Variants in HCFC2 observed in about 807,000 individuals in gnomAD.
HCFC2 encodes the protein host cell factor 2.
HCFC2 carries 18 observed loss-of-function variants against 89.2 expected under a neutral mutation model. That is an observed-to-expected ratio of 0.20 (90% CI 0.14 to 0.30). The LOEUF is 0.30. Among genes scored for constraint, HCFC2 ranks in the 10% least tolerant of loss-of-function variants. The probability of loss-of-function intolerance (pLI) is 1.00; values close to 1 mark genes in which losing one functional copy is unlikely to be tolerated. For synonymous variants in HCFC2, 308 were observed against 335.7 expected, an observed-to-expected ratio of 0.92 and a Z score of 0.90; for missense variants, 578 against 956.1, an observed-to-expected ratio of 0.60 and a Z score of 5.21.
At chr12:104,069,643 AT>A (rs1341130137) in intron 3 of HCFC2, among the ~76,000 whole-genome samples, 1 of 150,108 alleles carries the variant, frequency 6.7e-6, no homozygotes, top group Non-Finnish European at 1.5e-5. Context: ...ATGGTAGTAT[AT>A]TTTTTTCTTT....
At chr12:104,081,237 G>A (rs541748376) in intron 5 of HCFC2, among the ~76,000 whole-genome samples, 1 of 152,170 alleles carries the variant, frequency 6.6e-6, no homozygotes, top group Admixed American at 6.5e-5. Flanking sequence ...TGACCAGATT[G>A]CCTAAATTCA....
At chr12:104,097,556 A>C (rs1466293488) in intron 12 of HCFC2, 1 of 465,858 alleles carries the variant, frequency 2.1e-6, no homozygotes, top group African/African-American at 2.1e-5. Context: ...GTGATAGCCT[A>C]AATATTAAAA....
chr12:104,068,176 C>A lies in HCFC2; in HGVS notation c.473+69C>A. 1 of 1,351,734 alleles carries A rather than the reference C, an allele frequency of 7.4e-7. No homozygotes were observed. The highest frequency in any genetic ancestry group is 2.7e-5 in the Admixed American group (1 of 37,070). 83.7% of individuals were successfully genotyped at this position (1,351,734 alleles called of 1,614,324 possible). Reference sequence around the variant, plus strand: ...AGTAGGAACATTTTATTTTTTCCATCTTTAATTTTTAAAAGGGATGATGCT... The same window carrying A: ...AGTAGGAACATTTTATTTTTTCCATATTTAATTTTTAAAAGGGATGATGCT... On this transcript the variant is annotated intron_variant, in intron 3 of 14. Coordinates refer to ENST00000229330, the MANE Select transcript of HCFC2 (RefSeq NM_013320.3). This position sits in a 1 kb window ranked among gnomAD's most constrained non-coding sequence, Gnocchi z 4.1.
intron 3 of HCFC2, among the ~76,000 whole-genome samples, chr12:104,071,187 A>G (rs1883316253): frequency 6.6e-6 from 1 of 152,258 alleles, no homozygotes; most frequent in Non-Finnish European, 1.5e-5. Context: ...TAAAAAGTCA[A>G]ATCAGAAAGT....
At chr12:104,067,207 G>T (rs539372043) in intron 2 of HCFC2, among the ~76,000 whole-genome samples, 2 of 152,296 alleles carry the variant, frequency 1.3e-5, no homozygotes, top group African/African-American at 4.8e-5. Flanking sequence ...ACCATGCCTG[G>T]CCCCTAGGCT....
At chr12:104,099,153 A>T (rs1884265235) in intron 13 of HCFC2, among the ~76,000 whole-genome samples, 1 of 152,170 alleles carries the variant, frequency 6.6e-6, no homozygotes, top group African/African-American at 2.4e-5. Flanking sequence ...GGCATGTCTT[A>T]CATGGCATGA....
chr12:104,071,284 A>G (rs973423517), intron 3 of HCFC2, among the ~76,000 whole-genome samples: 1 of 152,248 alleles, frequency 6.6e-6, no homozygotes, highest in Non-Finnish European at 1.5e-5. Context: ...AACCTTTTTC[A>G]TGTAACACTT....
intron 9 of HCFC2, among the ~76,000 whole-genome samples, chr12:104,091,818 C>A (rs1167209938): frequency 6.6e-6 from 1 of 152,118 alleles, no homozygotes; most frequent in East Asian, 1.9e-4. Flanking sequence ...GTCAAGTTAT[C>A]TTACTGATAG....
chr12:104,071,246 A>G (rs1295967340), intron 3 of HCFC2, among the ~76,000 whole-genome samples: 1 of 152,258 alleles, frequency 6.6e-6, no homozygotes, highest in Admixed American at 6.5e-5. Context: ...GCAAATACAC[A>G]TAATTCAGTT....
At position 104,077,432 on chromosome 12, in the gene HCFC2, C is replaced by T. The variant is rs573320862; in HGVS notation, c.474-2013C>T. On this transcript the variant is annotated intron_variant, in intron 3 of 14. Coordinates refer to ENST00000229330, the MANE Select transcript of HCFC2 (RefSeq NM_013320.3). ...TAATTTTTTGTATTTTTAGTAGAGA[C>T]GGGGTTTCACCATGTTGGCCAGGCT... 5.9e-5 allele frequency among the ~76,000 whole-genome samples: 9 copies of T among 151,476 alleles called. No individual in the cohort carries two copies. In the South Asian group the frequency reaches 1.5e-3, roughly 25 times the overall value.
chr12:104,070,671 T>C (rs919824244), intron 3 of HCFC2, among the ~76,000 whole-genome samples: 1 of 152,182 alleles, frequency 6.6e-6, no homozygotes, highest in African/African-American at 2.4e-5. Flanking sequence ...CTGCATTAGA[T>C]TGATGGTAGG....
Position 104,102,008 on chromosome 12 carries a change from A to G in HCFC2, c.1919A>G (p.Lys640Arg). ...ADVPDYSLLK[K>R]QDLVPGTGYR... is the part of the protein sequence containing the mutation. ...GTACCTGACTACAGCTTGCTTAAGAAACAAGATCTTGTTCCAGGCACAGGA... is the reference window on the plus strand; with the variant it reads ...GTACCTGACTACAGCTTGCTTAAGAGACAAGATCTTGTTCCAGGCACAGGA... Residue 640 changes from lysine (K) to arginine (R), a missense_variant, in exon 14 of 15, where the codon AAA becomes AGA. Coordinates refer to ENST00000229330, the MANE Select transcript of HCFC2 (RefSeq NM_013320.3). 6.2e-7 allele frequency: 1 copy of G among 1,612,064 alleles called. No individual in the cohort carries two copies. Among genetic ancestry groups the G allele is most frequent in the African/African-American group, 1.3e-5 (1 of 75,034 alleles).
chr12:104,072,846 A>T (rs903970002), intron 3 of HCFC2, among the ~76,000 whole-genome samples: 1 of 151,658 alleles, frequency 6.6e-6, no homozygotes, highest in Non-Finnish European at 1.5e-5. Flanking sequence ...GGGTTTCACC[A>T]TGTTAGCCAG....
rs1372016318 is a variant in HCFC2 at position 104,098,415 on chromosome 12, A to G, written c.1813A>G (p.Lys605Glu). 1 of 1,613,016 alleles carries G rather than the reference A, an allele frequency of 6.2e-7. No homozygotes were observed. Among genetic ancestry groups the G allele is most frequent in the Admixed American group, 1.7e-5 (1 of 59,942 alleles). The part of the protein sequence containing the change: ...ERQWCDVGIF[K>E]NNTALVSQFY... Reference sequence around the variant, plus strand: ...ACAATGGTGTGATGTGGGAATTTTTAAAAATAATACAGCTTTGGTGAGCCA... The same window carrying G: ...ACAATGGTGTGATGTGGGAATTTTTGAAAATAATACAGCTTTGGTGAGCCA... Residue 605 changes from lysine (K) to glutamate (E), a missense_variant, in exon 13 of 15, where the codon AAA (lysine) becomes GAA (glutamate). By Grantham distance (56) the Lys-to-Glu change is moderately conservative (BLOSUM62 1). Transcript: ENST00000229330.
At chr12:104,071,501 T>C (rs1883325710) in intron 3 of HCFC2, among the ~76,000 whole-genome samples, 1 of 152,266 alleles carries the variant, frequency 6.6e-6, no homozygotes, top group South Asian at 2.1e-4. Context: ...GAGTCAGTGG[T>C]CTAAGGATAT....
At chr12:104,092,619 A>G (rs1424546287) in intron 9 of HCFC2, among the ~76,000 whole-genome samples, 1 of 151,950 alleles carries the variant, frequency 6.6e-6, no homozygotes, top group Non-Finnish European at 1.5e-5. Flanking sequence ...CTAAAAATAT[A>G]AAAAATTAGC....
At chr12:104,077,266 G>T (rs536495397) in intron 3 of HCFC2, among the ~76,000 whole-genome samples, 1 of 149,884 alleles carries the variant, frequency 6.7e-6, no homozygotes, top group African/African-American at 2.5e-5. Flanking sequence ...TTTTTGAGAC[G>T]GAGTCTCGTT....
At chr12:104,099,857 A>G (rs1032139736) in intron 13 of HCFC2, among the ~76,000 whole-genome samples, 1 of 152,002 alleles carries the variant, frequency 6.6e-6, no homozygotes, top group Non-Finnish European at 1.5e-5. Flanking sequence ...GGGTTTCACC[A>G]TGTTGCCCAG....
intron 7 of HCFC2, among the ~76,000 whole-genome samples, chr12:104,083,282 A>G (rs369836657): frequency 1.3e-5 from 2 of 152,204 alleles, no homozygotes; most frequent in African/African-American, 4.8e-5. Context: ...GATAAGTGAA[A>G]GTACCTCGGT....
Sources: allele counts gnomAD v4.1 joint callset (sites outside exome capture counted in the v4.1 genomes callset), GRCh38; gene constraint gnomAD v4.1.1; non-coding constraint Gnocchi (gnomAD v3.1); transcripts MANE v1.5; gene names NCBI Gene and HGNC (gene_info 2026-07-23, HGNC 2026-07-21).